The following POLB variants were observed in gnomAD, a reference collection of about 807,000 sequenced individuals.
The protein encoded by POLB is DNA polymerase beta.
POLB carries 37 observed loss-of-function variants against 52.7 expected under a neutral mutation model. The ratio of observed to expected loss-of-function variants is 0.70; its 90% CI spans 0.54 to 0.92. The LOEUF (loss-of-function observed/expected upper bound fraction) is 0.92. POLB is among the 40% of genes least tolerant of loss of function. The pLI, the probability that POLB is intolerant of heterozygous loss-of-function variation, is 0.00. For missense variants in POLB, 313 were observed against 400.8 expected (o/e 0.78, Z 1.87); for synonymous variants, 138 against 131.3 (o/e 1.05, Z -0.35).
chr8:42,370,379 G>T lies in POLB; in HGVS notation c.913+391G>T, dbSNP rs3136807. Among the ~76,000 whole-genome samples, 571 of 149,942 alleles carry T rather than the reference G, an allele frequency of 3.8e-3. 4 individuals are homozygous for T. Among genetic ancestry groups the T allele is most frequent in the Non-Finnish European group, 6.2e-3 (418 of 67,628 alleles). ...TGCTTTTAGTGCCATGGTATCTTTG[G>T]CCCCATGCTTTTAAAGTTTAAAGAA... On this transcript the variant is annotated intron_variant, in intron 13 of 13. Coordinates refer to ENST00000265421, the MANE Select transcript of POLB (RefSeq NM_002690.3).
At position 42,369,953 on chromosome 8, in the gene POLB, T is replaced by C. The variant is rs775368853; in HGVS notation, c.878T>C (p.Ile293Thr). 5 of 1,610,374 alleles carry C rather than the reference T, an allele frequency of 3.1e-6. No homozygotes were observed. Among genetic ancestry groups the C allele is most frequent in the Non-Finnish European group, 4.2e-6 (5 of 1,177,030 alleles). The change falls in exon 13 of 14, where the codon ATC becomes ACC. Residue 293 changes from isoleucine (I) to threonine (T), a missense_variant. By Grantham distance (89) the Ile-to-Thr change is moderately conservative. Around this residue, in one of 3 missense-constraint regions of POLB, gnomAD observed 246 missense variants for 297.6 expected, o/e 0.83. Transcript: ENST00000265421. Reference protein sequence around the residue: ...RAHALEKGFTINEYTIRPLGV... With the variant: ...RAHALEKGFTTNEYTIRPLGV... ...CATGCCCTAGAAAAGGGTTTCACAA[T>C]CAATGAGTACACCATCCGTCCCTTG...
intron 9 of POLB, 42 bp from the exon 10 acceptor site, chr8:42,361,253 C>T: frequency 1.4e-6 from 2 of 1,428,750 alleles, no homozygotes; most frequent in Middle Eastern, 1.7e-4. Flanking sequence ...CCAATTGATA[C>T]ATTTACATGG....
At chr8:42,364,993 G>GGGAGAAT (rs1823949573) in intron 11 of POLB, among the ~76,000 whole-genome samples, 1 of 152,032 alleles carries the variant, frequency 6.6e-6, no homozygotes, top group Admixed American at 6.6e-5. Context: ...AGGCTAAGGT[G>GGGAGAAT]GGAGAATGGC....
chr8:42,367,691 A>G (rs1461948353), intron 11 of POLB, among the ~76,000 whole-genome samples: 1 of 152,212 alleles, frequency 6.6e-6, no homozygotes, highest in Admixed American at 6.5e-5. Context: ...CTTTAAGCTA[A>G]TAGTAATCAA....
At chr8:42,363,130 A>G (rs1429003615) in intron 11 of POLB, among the ~76,000 whole-genome samples, 1 of 152,044 alleles carries the variant, frequency 6.6e-6, no homozygotes, top group Non-Finnish European at 1.5e-5. Context: ...CCAAAAAAAA[A>G]AAAAGAAAGA....
intron 11 of POLB, among the ~76,000 whole-genome samples, chr8:42,363,684 G>A (rs1218077910): frequency 2.0e-5 from 3 of 151,840 alleles, no homozygotes; most frequent in East Asian, 1.9e-4. Flanking sequence ...AATAAGTAAC[G>A]TAGTTAGAAT....
chr8:42,343,316 C>T (rs556826507), intron 2 of POLB, among the ~76,000 whole-genome samples: 2 of 38,308 alleles, frequency 5.2e-5, no homozygotes, highest in Admixed American at 4.6e-4. Context: ...AGCAAGACTG[C>T]GTCTCAAAAA....
At chr8:42,341,587 C>T (rs1381724529) in intron 2 of POLB, among the ~76,000 whole-genome samples, 1 of 152,134 alleles carries the variant, frequency 6.6e-6, no homozygotes, top group African/African-American at 2.4e-5. Context: ...GACAGAATAC[C>T]GTCAGCGAGC....
chr8:42,354,629 C>T (rs764995486), intron 6 of POLB: 14 of 418,304 alleles, frequency 3.3e-5, no homozygotes, highest in African/African-American at 1.6e-4. Flanking sequence ...CTGCAACCTC[C>T]GCCACCTGGG....
intron 11 of POLB, among the ~76,000 whole-genome samples, chr8:42,363,140 A>T (rs962058794): frequency 1.3e-5 from 2 of 151,840 alleles, no homozygotes; most frequent in Non-Finnish European, 2.9e-5. Context: ...AAAAAGAAAG[A>T]AAAATAATCA....
At chr8:42,365,651 G>T (rs1353356823) in intron 11 of POLB, among the ~76,000 whole-genome samples, 2 of 152,208 alleles carry the variant, frequency 1.3e-5, no homozygotes, top group Non-Finnish European at 2.9e-5. Flanking sequence ...ACTGGGAAGT[G>T]TGCCAACTGT....
intron 11 of POLB, among the ~76,000 whole-genome samples, chr8:42,367,200 A>C (rs899799356): frequency 3.3e-5 from 5 of 152,220 alleles, no homozygotes; most frequent in Non-Finnish European, 5.9e-5. Context: ...AGTAAAACTC[A>C]TATTTGAGGA....
intron 11 of POLB, among the ~76,000 whole-genome samples, chr8:42,366,357 T>C (rs1248163026): frequency 1.3e-5 from 2 of 152,162 alleles, no homozygotes; most frequent in Non-Finnish European, 2.9e-5. Flanking sequence ...CAGACATATT[T>C]CCAGAAGAAA....
intron 2 of POLB, among the ~76,000 whole-genome samples, chr8:42,343,344 A>AC (rs1305491061): frequency 2.5e-5 from 1 of 40,456 alleles, no homozygotes; most frequent in African/African-American, 4.2e-5. Flanking sequence ...AAAAAAAAAA[A>AC]AATATATATA....
At chr8:42,359,837 T>C (rs1290831154) in intron 9 of POLB, among the ~76,000 whole-genome samples, 1 of 152,010 alleles carries the variant, frequency 6.6e-6, no homozygotes, top group Non-Finnish European at 1.5e-5. Context: ...AGGCGGACAG[T>C]GAAAGACATC....
Position 42,338,695 on chromosome 8 carries a change from G to T in POLB, c.61+10G>T, listed in dbSNP as rs369062208. ...ACCGACATGCTCACAGGTTAGCACC[G>T]GGCCGGGCCCCGCTGGCTTTCTTCT... is the stretch of plus-strand genomic sequence containing the variant. On this transcript the variant is annotated intron_variant, in intron 1 of 13. Coordinates refer to ENST00000265421, the MANE Select transcript of POLB (RefSeq NM_002690.3). 2.5e-6 allele frequency: 4 copies of T among 1,612,952 alleles called. No individual in the cohort carries two copies. Among genetic ancestry groups the T allele is most frequent in the Non-Finnish European group, 2.5e-6 (3 of 1,179,014 alleles).
At chr8:42,356,016 A>G (rs1233518547) in intron 7 of POLB, among the ~76,000 whole-genome samples, 2 of 152,246 alleles carry the variant, frequency 1.3e-5, no homozygotes, top group African/African-American at 4.8e-5. Context: ...TCATACCTAA[A>G]TAACCATATA....
chr8:42,361,066 A>T (rs1200696786), intron 9 of POLB: 2 of 672,622 alleles, frequency 3.0e-6, no homozygotes. Context: ...TGCAATGTAT[A>T]TCTAATGCCA....
In POLB at chr8:42,369,927, T is replaced by C; in HGVS notation, c.852T>C (p.Ala284=). The C allele has an allele frequency of 1.2e-6, 2 of 1,601,720 alleles. No homozygotes were observed. The highest frequency in any genetic ancestry group is 1.7e-6 in the Non-Finnish European group (2 of 1,168,764). The change falls in exon 13 of 14, where the codon GCT becomes GCC. Residue 284 remains alanine, a synonymous_variant. Coordinates refer to ENST00000265421, the MANE Select transcript of POLB (RefSeq NM_002690.3). ...ATATTTTCAATAAGAATATGAGGGC[T>C]CATGCCCTAGAAAAGGGTTTCACAA... ...GSDIFNKNMR[A]HALEKGFTIN...
Sources: allele counts gnomAD v4.1 joint callset (sites outside exome capture counted in the v4.1 genomes callset), GRCh38; gene constraint gnomAD v4.1.1; regional missense constraint gnomAD v4.1.1; transcripts MANE v1.5; gene names NCBI Gene and HGNC (gene_info 2026-07-23, HGNC 2026-07-21).